The following NOS2 variants were observed in gnomAD, a reference collection of about 807,000 sequenced individuals.
The protein encoded by NOS2 is nitric oxide synthase, inducible.
In NOS2, 96 loss-of-function variants were observed where a neutral mutation model predicts 136.0. The ratio of observed to expected loss-of-function variants is 0.71; its 90% CI spans 0.60 to 0.84. NOS2 has a LOEUF of 0.84. NOS2 is among the 40% of genes least tolerant of loss of function. The pLI, the probability that NOS2 is intolerant of heterozygous loss-of-function variation, is 0.00. For missense variants in NOS2, 1,237 were observed against 1,496.9 expected, an observed-to-expected ratio of 0.83 and a Z score of 2.87; for synonymous variants, 539 against 587.5, an observed-to-expected ratio of 0.92 and a Z score of 1.20.
Position 27,757,187 on chromosome 17 carries a change from G to A in NOS2, c.*59C>T. On this transcript the variant is annotated 3_prime_UTR_variant, in exon 27 of 27. Transcript: ENST00000313735. ...CCCAGGCCCTGTGACCTCAGATAAT[G>A]CAGAGCTGGCTCCATCCTTAAGTTC... is the stretch of plus-strand genomic sequence containing the variant. 1 of 1,369,108 alleles carries A rather than the reference G, an allele frequency of 7.3e-7. No individual in the cohort carries two copies. Among genetic ancestry groups the A allele is most frequent in the East Asian group, 2.3e-5 (1 of 43,290 alleles). The allele number at this position is 1,369,108 out of a possible 1,614,324, so 84.8% of individuals were successfully genotyped here.
chr17:27,769,405 C>T lies in NOS2; in HGVS notation c.1859+130G>A, dbSNP rs773773249. The T allele has an allele frequency of 2.2e-4, 184 of 844,112 alleles. 1 individual carries two copies. Among genetic ancestry groups the T allele is most frequent in the Non-Finnish European group, 3.5e-4 (175 of 506,038 alleles). 52.3% of individuals were successfully genotyped at this position (844,112 alleles called of 1,614,324 possible). A position where few individuals can be genotyped will look rare whatever the true frequency, so the allele number is the denominator to read the frequency against. On this transcript the variant is annotated intron_variant, in intron 16 of 26. Transcript: ENST00000313735. ...ACCCTCGACACATTCTGAGTACAGA[C>T]CTTAGACCCAGGTCTCTGTGCCTGC...
intron 2 of NOS2, chr17:27,793,551 G>C (rs1037218724): frequency 2.5e-6 from 1 of 396,918 alleles, no homozygotes; most frequent in African/African-American, 2.1e-5. Context: ...GGAGCCCACC[G>C]CTTCCCTCCC....
rs144645983 is a variant in NOS2, at chr17:27,777,837, G to C, written c.1281+853C>G. Among the ~76,000 whole-genome samples, 242 of 152,186 alleles carry C rather than the reference G, an allele frequency of 1.6e-3. 5 individuals are homozygous for C. In the East Asian group the frequency reaches 0.039, roughly 25 times the overall value. ...AGGCAAGCGGATCACTTGAGGCCAG[G>C]AGTTCGGAACCAACCTGGGCAACAT... On this transcript the variant is annotated intron_variant, in intron 11 of 26. Coordinates refer to ENST00000313735, the MANE Select transcript of NOS2 (RefSeq NM_000625.4).
At chr17:27,773,476 AC>A (rs1419072704) in intron 12 of NOS2, among the ~76,000 whole-genome samples, 1 of 152,196 alleles carries the variant, frequency 6.6e-6, no homozygotes, top group Non-Finnish European at 1.5e-5. Context: ...GGGGCGGCTA[AC>A]CCTTATTCTC....
chr17:27,763,230 G>A (rs908235632), intron 21 of NOS2, among the ~76,000 whole-genome samples: 1 of 152,118 alleles, frequency 6.6e-6, no homozygotes, highest in African/African-American at 2.4e-5. Context: ...CTCCACTGTC[G>A]GCAACTCATG....
intron 24 of NOS2, 30 bp downstream of exon 24, chr17:27,760,593 C>T: frequency 6.4e-7 from 1 of 1,551,528 alleles, no homozygotes; most frequent in Non-Finnish European, 8.7e-7. Context: ...CCCCTGGTGC[C>T]CCTCCCACCT....
intron 11 of NOS2, 68 bp from the exon 12 acceptor site, chr17:27,774,519 G>C: frequency 2.4e-6 from 3 of 1,253,382 alleles, no homozygotes; most frequent in Non-Finnish European, 3.2e-6. Context: ...CCGGTTGGCC[G>C]CAGGGCTCCC....
At position 27,760,036 on chromosome 17, in the gene NOS2, C is replaced by T; in HGVS notation, c.3153G>A (p.Lys1051=). The T allele has an allele frequency of 1.3e-6, 2 of 1,530,672 alleles. No individual in the cohort carries two copies. The highest frequency in any genetic ancestry group is 1.3e-5 in the South Asian group (1 of 78,396). 94.8% of individuals were successfully genotyped at this position (1,530,672 alleles called of 1,614,324 possible). A position where few individuals can be genotyped will look rare whatever the true frequency, so the allele number is the denominator to read the frequency against. ...VHTAYSRLPG[K]PKVYVQDILR... ...GCTTTGAGGCTGCATTTACCTTGGG[C>T]TTGCCAGGCAGGCGGGAATAGGCTG... The change falls in exon 25 of 27, where the codon AAG becomes AAA. Residue 1051 remains lysine (K), a synonymous_variant. Transcript: ENST00000313735.
At chr17:27,789,475 T>C in intron 3 of NOS2, 129 bp downstream of exon 3, 1 of 730,772 alleles carries the variant, frequency 1.4e-6, no homozygotes, top group Middle Eastern at 3.8e-4. Flanking sequence ...ACCCCGGGTC[T>C]GGGACTCTCC....
chr17:27,780,647 G>A (rs940593334), intron 9 of NOS2, 120 bp downstream of exon 9: 1 of 1,305,574 alleles, frequency 7.7e-7, no homozygotes, highest in Non-Finnish European at 1.1e-6. Context: ...AGCCCCCTGA[G>A]TGTCACCTGC....
intron 24 of NOS2, 59 bp downstream of exon 24, chr17:27,760,564 C>T: frequency 1.3e-6 from 2 of 1,549,822 alleles, no homozygotes; most frequent in Non-Finnish European, 1.7e-6. Context: ...TGCAGTTCTG[C>T]TCCTAGGCAG....
intron 12 of NOS2, among the ~76,000 whole-genome samples, 160 bp downstream of exon 12, chr17:27,774,097 A>G (rs1201389025): frequency 6.6e-6 from 1 of 152,204 alleles, no homozygotes; most frequent in African/African-American, 2.4e-5. Flanking sequence ...GGAAATGCAC[A>G]AAGGCTGCTC....
In NOS2 at chr17:27,782,142, C is replaced by T. The variant is rs762939969; in HGVS notation, c.631-36G>A. 9.4e-6 allele frequency: 15 copies of T among 1,591,988 alleles called. No individual in the cohort carries two copies. The South Asian group carries it at 1.1e-4, about 12-fold the overall frequency. Reference sequence around the variant, plus strand: ...CCATCCAGACCATGCCCATCAAAGACTGGGTAGACAGAGGCTTTGAGGCTG... The same window carrying T: ...CCATCCAGACCATGCCCATCAAAGATTGGGTAGACAGAGGCTTTGAGGCTG... On this transcript the variant is annotated intron_variant, in intron 6 of 26. Transcript: ENST00000313735.
chr17:27,782,258 A>G (rs972582093), intron 6 of NOS2, 152 bp from the exon 7 acceptor site: 1 of 673,032 alleles, frequency 1.5e-6, no homozygotes, highest in African/African-American at 1.8e-5. Flanking sequence ...TCCAATCTGC[A>G]CCTGCCACTC....
At chr17:27,779,151 A>G in intron 9 of NOS2, 95 bp from the exon 10 acceptor site, 2 of 972,882 alleles carry the variant, frequency 2.1e-6, no homozygotes, top group Non-Finnish European at 1.4e-6. Flanking sequence ...TCTGTTGCTC[A>G]TGCTGGAGTG....
In NOS2 at chr17:27,761,454, G is replaced by A. The variant is rs549652164; in HGVS notation, c.2801-223C>T. ...AGAGAGGCTGCAAGTTGCTCCTTCTGCCCAAGCAGAAACTGAGACGGGGAG... is the reference window on the plus strand; with the variant it reads ...AGAGAGGCTGCAAGTTGCTCCTTCTACCCAAGCAGAAACTGAGACGGGGAG... On this transcript the variant is annotated intron_variant, in intron 22 of 26. Transcript: ENST00000313735. 6.0e-4 allele frequency among the ~76,000 whole-genome samples: 92 copies of A among 152,222 alleles called. No individual in the cohort carries two copies. The South Asian group carries it at 0.018, about 31-fold the overall frequency.
Position 27,765,549 on chromosome 17 carries a change from G to A in NOS2, c.2414C>T (p.Ala805Val), listed in dbSNP as rs199892476. 6.2e-7 allele frequency: 1 copy of A among 1,604,332 alleles called. No homozygotes were observed. Among genetic ancestry groups the A allele is most frequent in the Non-Finnish European group, 8.5e-7 (1 of 1,176,682 alleles). ...CCGGGGCTCACCACTCTCATCCAGG[G>A]CCTCCAGGCGCACTGTCTGGTGGGG... ...PTPHQTVRLE[A>V]LDESGSYWVS... The change falls in exon 20 of 27, where the codon GCC (alanine) becomes GTC (valine). Residue 805 changes from alanine to valine, a missense_variant. Physicochemically the swap from Ala to Val is moderately conservative, Grantham distance 64 (BLOSUM62 0). This residue lies in a region of NOS2 where 782 missense variants were observed against 909.9 expected (regional missense o/e 0.86). Coordinates refer to ENST00000313735, the MANE Select transcript of NOS2 (RefSeq NM_000625.4).
chr17:27,784,314 G>C (rs1440301292), intron 5 of NOS2, among the ~76,000 whole-genome samples: 1 of 152,120 alleles, frequency 6.6e-6, no homozygotes, highest in Admixed American at 6.6e-5. Context: ...AGAGTGTCTC[G>C]ACAACTTTTC....
intron 5 of NOS2, among the ~76,000 whole-genome samples, chr17:27,786,574 C>T (rs192011399): frequency 2.3e-4 from 35 of 152,326 alleles, no homozygotes; most frequent in Admixed American, 1.8e-3. Context: ...ATTTGGACAA[C>T]GCAGTGTTCT....
Sources: allele counts gnomAD v4.1 joint callset (sites outside exome capture counted in the v4.1 genomes callset), GRCh38; gene constraint gnomAD v4.1.1; regional missense constraint gnomAD v4.1.1; transcripts MANE v1.5; gene names NCBI Gene and HGNC (gene_info 2026-07-23, HGNC 2026-07-21).